PPP2R3A: variants seen among roughly 807,000 people sequenced by gnomAD.
PPP2R3A encodes protein phosphatase 2 regulatory subunit B''alpha.
A neutral mutation model predicts 106.9 loss-of-function variants in PPP2R3A; 80 were observed. That is an observed-to-expected ratio of 0.75 (90% CI 0.62 to 0.90). The LOEUF (loss-of-function observed/expected upper bound fraction) is 0.90. PPP2R3A is among the 40% of genes least tolerant of loss of function. PPP2R3A has a pLI of 0.00. For synonymous variants in PPP2R3A, 483 were observed against 468.3 expected, an observed-to-expected ratio of 1.03 and a Z score of -0.41; for missense variants, 1,386 against 1,350.4, an observed-to-expected ratio of 1.03 and a Z score of -0.41.
intron 6 of PPP2R3A, among the ~76,000 whole-genome samples, chr3:136,073,559 G>A (rs1389347269): frequency 6.6e-6 from 1 of 152,194 alleles, no homozygotes; most frequent in Non-Finnish European, 1.5e-5. Flanking sequence ...TAAAATACTT[G>A]TGATAAAATG....
At chr3:136,031,140 T>C (rs2107830369) in intron 3 of PPP2R3A, among the ~76,000 whole-genome samples, 1 of 152,248 alleles carries the variant, frequency 6.6e-6, no homozygotes, top group East Asian at 1.9e-4. Flanking sequence ...TACTGTTTTA[T>C]TTTGTTTTGT....
intron 1 of PPP2R3A, among the ~76,000 whole-genome samples, chr3:135,972,128 A>G (rs2107746876): frequency 6.6e-6 from 1 of 152,316 alleles, no homozygotes; most frequent in African/African-American, 2.4e-5. Context: ...GTCACTCGCC[A>G]TTCCCCTTTA....
At chr3:136,047,887 A>G (rs1018322082) in intron 4 of PPP2R3A, among the ~76,000 whole-genome samples, 4 of 151,944 alleles carry the variant, frequency 2.6e-5, no homozygotes, top group Non-Finnish European at 4.4e-5. Context: ...CGTAGGCAAC[A>G]GAGCGAGACT....
Position 136,027,090 on chromosome 3 carries a change from A to G in PPP2R3A, c.2254A>G (p.Ile752Val), listed in dbSNP as rs775345635. Residue 752 changes from isoleucine to valine, a missense_variant, in exon 3 of 14, where the codon ATT (isoleucine) becomes GTT (valine). Transcript: ENST00000264977. ...AGCAGACATTTATGAAATGGGGAAA[A>G]TTGCAAAGGTAATGTAACTACTAAA... ...QKADIYEMGK[I>V]AKVCGCPLYW... is the part of the protein sequence containing the mutation. 3.7e-6 allele frequency: 6 copies of G among 1,612,146 alleles called. No individual in the cohort carries two copies. The highest frequency in any genetic ancestry group is 3.3e-5 in the Admixed American group (2 of 59,868).
In PPP2R3A at chr3:136,023,271, A is replaced by G. The variant is rs1559873719; in HGVS notation, c.1996-3561A>G. ...TGAAAATATTTTTATTACTAATAAA[A>G]CCATCCAGTGAACTAACTCACAAGT... On this transcript the variant is annotated intron_variant, in intron 2 of 13. Coordinates refer to ENST00000264977, the MANE Select transcript of PPP2R3A (RefSeq NM_002718.5). 1.8e-5 allele frequency: 25 copies of G among 1,354,258 alleles called. No homozygotes were observed. In the South Asian group the frequency reaches 2.8e-4, roughly 15 times the overall value. The allele number at this position is 1,354,258 out of a possible 1,614,324, so 83.9% of individuals were successfully genotyped here.
intron 13 of PPP2R3A, among the ~76,000 whole-genome samples, chr3:136,123,024 G>C (rs938871292): frequency 6.6e-6 from 1 of 152,082 alleles, no homozygotes; most frequent in East Asian, 1.9e-4. Flanking sequence ...ATGGATAAAG[G>C]GTTTTAGTTC....
At chr3:136,142,247 C>T (rs929040894) in intron 13 of PPP2R3A, among the ~76,000 whole-genome samples, 8 of 152,102 alleles carry the variant, frequency 5.3e-5, no homozygotes, top group South Asian at 2.1e-4. Context: ...GTGAGACATA[C>T]GGCACATTGT....
chr3:136,049,308 G>A lies in PPP2R3A; in HGVS notation c.2416G>A (p.Ala806Thr), dbSNP rs934185654. ...TGCCTCTAAATTCATCTGTCTTCTA[G>A]CAAAGCCCAACTGCAGCTCTCTAGA... Reference protein sequence around the residue: ...DDASKFICLLAKPNCSSLEQE... With the variant: ...DDASKFICLLTKPNCSSLEQE... Residue 806 changes from alanine to threonine, a missense_variant, in exon 5 of 14, where the codon GCA becomes ACA. Transcript: ENST00000264977. The A allele has an allele frequency of 1.2e-6, 2 of 1,613,664 alleles. No individual in the cohort carries two copies. The highest frequency in any genetic ancestry group is 2.7e-5 in the African/African-American group (2 of 74,900).
intron 13 of PPP2R3A, among the ~76,000 whole-genome samples, chr3:136,125,610 G>A (rs1938150057): frequency 6.6e-6 from 1 of 152,112 alleles, no homozygotes; most frequent in Non-Finnish European, 1.5e-5. Context: ...ACTTTGGGAG[G>A]CCAAGGTGGG....
intron 13 of PPP2R3A, among the ~76,000 whole-genome samples, chr3:136,117,678 GGAA>G (rs1937826687): frequency 6.6e-6 from 1 of 152,152 alleles, no homozygotes; most frequent in Non-Finnish European, 1.5e-5. Context: ...GTCTAAACCA[GGAA>G]GAAGTTGAAT....
At chr3:136,026,085 A>AT (rs1934645322) in intron 2 of PPP2R3A, among the ~76,000 whole-genome samples, 1 of 152,014 alleles carries the variant, frequency 6.6e-6, no homozygotes, top group African/African-American at 2.4e-5. Context: ...ACATCAAATC[A>AT]TTTTTTTAAA....
intron 2 of PPP2R3A, among the ~76,000 whole-genome samples, chr3:136,020,380 G>C (rs978805053): frequency 2.0e-5 from 3 of 152,142 alleles, no homozygotes; most frequent in African/African-American, 7.2e-5. Context: ...AGAGTTCTGT[G>C]ACATATTTCT....
intron 1 of PPP2R3A, among the ~76,000 whole-genome samples, chr3:135,994,052 A>G (rs1933284337): frequency 6.6e-6 from 1 of 152,204 alleles, no homozygotes; most frequent in Admixed American, 6.5e-5. Context: ...CAAACTTAAT[A>G]TGTTTTTTAT....
intron 13 of PPP2R3A, among the ~76,000 whole-genome samples, chr3:136,128,352 AAAGG>A (rs1423382514): frequency 1.3e-5 from 2 of 152,048 alleles, no homozygotes; most frequent in African/African-American, 4.8e-5. Flanking sequence ...AAAAAAAAAA[AAAGG>A]AGGGGTTGCA....
intron 2 of PPP2R3A, among the ~76,000 whole-genome samples, chr3:136,010,258 C>CTTT (rs35997478): frequency 1.2e-4 from 14 of 121,266 alleles, no homozygotes; most frequent in South Asian, 2.7e-4. Flanking sequence ...TTCTTTCTTT[C>CTTT]TTTTTTTTTT....
At chr3:136,086,269 G>A (rs1052420081) in intron 8 of PPP2R3A, among the ~76,000 whole-genome samples, 1 of 151,936 alleles carries the variant, frequency 6.6e-6, no homozygotes, top group Admixed American at 6.6e-5. Flanking sequence ...GGATTACTAG[G>A]TCAGGAGTTC....
chr3:136,019,376 C>T (rs1393747596), intron 2 of PPP2R3A, among the ~76,000 whole-genome samples: 2 of 152,022 alleles, frequency 1.3e-5, no homozygotes. Context: ...TCTATTTTTC[C>T]TCATTCTGGT....
At chr3:136,064,201 G>C (rs1222404943) in intron 5 of PPP2R3A, among the ~76,000 whole-genome samples, 1 of 148,048 alleles carries the variant, frequency 6.8e-6, no homozygotes, top group Non-Finnish European at 1.5e-5. Flanking sequence ...CTCACTCATA[G>C]GTGGGAATTG....
At chr3:135,967,240 G>A (rs531070495) in intron 1 of PPP2R3A, among the ~76,000 whole-genome samples, 1 of 152,256 alleles carries the variant, frequency 6.6e-6, no homozygotes, top group Non-Finnish European at 1.5e-5. Context: ...ATTTCTAGGA[G>A]AACGGGGAAA....
Sources: allele counts gnomAD v4.1 joint callset (sites outside exome capture counted in the v4.1 genomes callset), GRCh38; gene constraint gnomAD v4.1.1; transcripts MANE v1.5; gene names NCBI Gene and HGNC (gene_info 2026-07-23, HGNC 2026-07-21).